The following NASP variants were observed in gnomAD, a reference collection of about 807,000 sequenced individuals.
NASP encodes NASP histone chaperone.
Under a neutral mutation model 89.5 loss-of-function variants are expected in NASP, and 24 were observed. That is an observed-to-expected ratio of 0.27 (90% confidence interval 0.19 to 0.38). NASP has a LOEUF of 0.38. Ranked by LOEUF, NASP falls within the 10% of genes least tolerant of loss-of-function variation. The probability of loss-of-function intolerance (pLI) is 1.00; values close to 1 mark genes in which losing one functional copy is unlikely to be tolerated. For synonymous variants in NASP, 306 were observed against 324.7 expected (o/e 0.94, Z 0.62); for missense variants, 848 against 921.4 (o/e 0.92, Z 1.03).
At chr1:45,615,850 TC>T in intron 11 of NASP, 1 of 203,762 alleles carries the variant, frequency 4.9e-6, no homozygotes, top group East Asian at 1.3e-4. Flanking sequence ...TCTGAAATGC[TC>T]CAGAGAGCAT....
intron 5 of NASP, 156 bp downstream of exon 5, chr1:45,606,747 G>C (rs1375990586): frequency 4.1e-6 from 2 of 483,070 alleles, no homozygotes; most frequent in Non-Finnish European, 7.3e-6. Flanking sequence ...GGGGATAGCT[G>C]TTTACTGAAG....
chr1:45,608,117 A>G lies in NASP; in HGVS notation c.1206A>G (p.Thr402=), dbSNP rs1355183685. Residue 402 remains threonine (T), a synonymous_variant, in exon 6 of 15, where the codon ACA becomes ACG. Transcript: ENST00000350030. Reference sequence around the variant, plus strand: ...CACAGACTTCTATAGAAAGACTGACAGAAACAAAAGATGGCTCAGGACTAG... The same window carrying G: ...CACAGACTTCTATAGAAAGACTGACGGAAACAAAAGATGGCTCAGGACTAG... The part of the protein sequence containing the change: ...IEPQTSIERL[T]ETKDGSGLEE... 1.2e-6 allele frequency: 2 copies of G among 1,614,088 alleles called. No homozygotes were observed. Among genetic ancestry groups the G allele is most frequent in the African/African-American group, 1.3e-5 (1 of 75,058 alleles).
At chr1:45,589,085 A>T (rs1208665076) in intron 1 of NASP, 2 of 157,586 alleles carry the variant, frequency 1.3e-5, no homozygotes, top group Non-Finnish European at 2.8e-5. Context: ...TTGTGAAATG[A>T]ATTAGATGGA....
At position 45,615,476 on chromosome 1, in the gene NASP, G is replaced by A; in HGVS notation, c.2022+5G>A. 5.0e-6 allele frequency: 8 copies of A among 1,603,952 alleles called. No individual in the cohort carries two copies. The highest frequency in any genetic ancestry group is 6.8e-6 in the Non-Finnish European group (8 of 1,176,888). ...CTGGCTCTGAAAGCTACTCTGGTTG[G>A]TTCCGTTAACATTTTGATAATAGCA... is the stretch of plus-strand genomic sequence containing the variant. On this transcript the variant is annotated splice_donor_5th_base_variant and intron_variant, in intron 11 of 14. Transcript: ENST00000350030.
At chr1:45,591,774 TAA>T (rs1169534486) in intron 2 of NASP, among the ~76,000 whole-genome samples, 1 of 152,202 alleles carries the variant, frequency 6.6e-6, no homozygotes, top group Non-Finnish European at 1.5e-5. Context: ...AATAATTAAC[TAA>T]AAAGCTTACC....
At chr1:45,617,230 C>T (rs1644122315) in intron 13 of NASP, 1 of 467,306 alleles carries the variant, frequency 2.1e-6, no homozygotes, top group Non-Finnish European at 3.8e-6. Flanking sequence ...CTCCTCACCC[C>T]AACCCTATCT....
chr1:45,600,405 G>T (rs1643811565), intron 2 of NASP: 1 of 1,291,290 alleles, frequency 7.7e-7, no homozygotes, highest in East Asian at 5.7e-5. Flanking sequence ...TCTGCTTTCT[G>T]TCACTGAAGA....
intron 6 of NASP, 67 bp from the exon 7 acceptor site, chr1:45,613,102 G>T: frequency 6.5e-7 from 1 of 1,536,360 alleles, no homozygotes; most frequent in Non-Finnish European, 8.7e-7. Flanking sequence ...GACGTGTATT[G>T]GAATCTCTGA....
chr1:45,603,397 A>G (rs977888330), intron 3 of NASP, among the ~76,000 whole-genome samples: 2 of 152,188 alleles, frequency 1.3e-5, no homozygotes, highest in African/African-American at 4.8e-5. Context: ...GGTTATAACA[A>G]AGCGTTTGTG....
chr1:45,599,696 G>A (rs1313287972), intron 2 of NASP, among the ~76,000 whole-genome samples: 1 of 152,124 alleles, frequency 6.6e-6, no homozygotes, highest in Non-Finnish European at 1.5e-5. Flanking sequence ...CAAAGTGCTG[G>A]GATTACAGGC....
chr1:45,600,797 C>A (rs1395669276), intron 2 of NASP, among the ~76,000 whole-genome samples: 1 of 152,188 alleles, frequency 6.6e-6, no homozygotes, highest in Non-Finnish European at 1.5e-5. Flanking sequence ...TACATTCTTA[C>A]CAGCAGTGTT....
At position 45,601,745 on chromosome 1, in the gene NASP, A is replaced by ATTTTTTTTTTTTT. The variant is rs71056316; in HGVS notation, c.108-494_108-482dup. Among the ~76,000 whole-genome samples, 5 of 68,930 alleles carry ATTTTTTTTTTTTT rather than the reference A, an allele frequency of 7.3e-5. 1 individual carries two copies. Among genetic ancestry groups the ATTTTTTTTTTTTT allele is most frequent in the African/African-American group, 1.2e-4 (2 of 16,396 alleles). 45.2% of individuals were successfully genotyped at this position (68,930 alleles called of 152,430 possible). On this transcript the variant is annotated intron_variant, in intron 2 of 14. Transcript: ENST00000350030. ...TGTGATTAGATGAGCCGTTAAGAGA[A>ATTTTTTTTTTTTT]TTTTTTTTTTTTTTTTTTTTTTTTT...
At chr1:45,606,817 A>AT (rs1643915477) in intron 5 of NASP, 2 of 420,268 alleles carry the variant, frequency 4.8e-6, no homozygotes, top group Non-Finnish European at 8.4e-6. Flanking sequence ...AGTTATTTCG[A>AT]TTGGGGTTTT....
chr1:45,602,441 G>A, intron 3 of NASP, 76 bp downstream of exon 3: 1 of 1,384,860 alleles, frequency 7.2e-7, no homozygotes, highest in Non-Finnish European at 1.0e-6. Context: ...TATTTTATGG[G>A]GAAAAAGCAT....
In NASP at chr1:45,587,687, T is replaced by TATATATAAAA. The variant is rs66829841; in HGVS notation, c.59+3483_59+3484insTATATAAAAA. ...ATATATATATATATATATATATATA[T>TATATATAAAA]AATTAATTTTTTGGAGAGAGAGTCT... On this transcript the variant is annotated intron_variant, in intron 1 of 14. Coordinates refer to ENST00000350030, the MANE Select transcript of NASP (RefSeq NM_002482.4). Among the ~76,000 whole-genome samples, 9 of 78,200 alleles carry TATATATAAAA rather than the reference T, an allele frequency of 1.2e-4. 1 individual carries two copies. The East Asian group carries it at 5.0e-3, about 43-fold the overall frequency. 51.3% of individuals were successfully genotyped at this position (78,200 alleles called of 152,430 possible).
At chr1:45,590,563 A>G (rs188884667) in intron 1 of NASP, among the ~76,000 whole-genome samples, 134 of 151,348 alleles carry the variant, frequency 8.9e-4, no homozygotes, top group African/African-American at 2.6e-3. Flanking sequence ...AAAAAAAAAA[A>G]AAAAGAAAAG....
chr1:45,604,532 TAGA>T (rs1201670286), intron 3 of NASP, among the ~76,000 whole-genome samples: 2 of 152,212 alleles, frequency 1.3e-5, no homozygotes, highest in South Asian at 2.1e-4. Flanking sequence ...TGAATCCAGT[TAGA>T]AGAACTCCAG....
intron 1 of NASP, among the ~76,000 whole-genome samples, chr1:45,587,687 T>TATATATATATATATATATATATATAAAAA (rs66829841): frequency 2.6e-5 from 2 of 78,198 alleles, no homozygotes; most frequent in East Asian, 5.6e-4. Flanking sequence ...TATATATATA[T>TATATATATATATATATATATATATAAAAA]AATTAATTTT....
At chr1:45,612,691 TG>T (rs1209307727) in intron 6 of NASP, 1 of 152,796 alleles carries the variant, frequency 6.5e-6, no homozygotes, top group Non-Finnish European at 1.5e-5. Context: ...TCCACATCTC[TG>T]TTGTGGGAAA....
Sources: allele counts gnomAD v4.1 joint callset (sites outside exome capture counted in the v4.1 genomes callset), GRCh38; gene constraint gnomAD v4.1.1; transcripts MANE v1.5; gene names NCBI Gene and HGNC (gene_info 2026-07-23, HGNC 2026-07-21).